Variants in KCTD8 observed in about 807,000 individuals in gnomAD.
KCTD8 encodes potassium channel tetramerization domain containing 8.
KCTD8 carries 27 observed loss-of-function variants against 31.5 expected under a neutral mutation model. The ratio of observed to expected loss-of-function variants is 0.86; its 90% CI spans 0.63 to 1.18. The LOEUF (loss-of-function observed/expected upper bound fraction) is 1.18, where lower values mean the gene tolerates loss of function less well. Ranked by LOEUF, KCTD8 falls within the 50% of genes most tolerant of loss-of-function variation. The pLI is 0.00. For missense variants in KCTD8, 658 were observed against 647.7 expected (o/e 1.02, Z -0.17); for synonymous variants, 290 against 280.0 (o/e 1.04, Z -0.36).
intron 1 of KCTD8, among the ~76,000 whole-genome samples, chr4:44,343,255 T>A (rs891419308): frequency 2.0e-5 from 3 of 152,186 alleles, no homozygotes; most frequent in Non-Finnish European, 2.9e-5. Context: ...GTAATTGGCC[T>A]GATTACAATA....
chr4:44,254,001 A>G (rs1212230358), intron 1 of KCTD8, among the ~76,000 whole-genome samples: 2 of 151,862 alleles, frequency 1.3e-5, no homozygotes, highest in Non-Finnish European at 2.9e-5. Flanking sequence ...GGACAGTAAA[A>G]AAGGCAACCT....
intron 1 of KCTD8, among the ~76,000 whole-genome samples, chr4:44,418,231 G>A (rs1560450127): frequency 6.6e-6 from 1 of 151,984 alleles, no homozygotes; most frequent in African/African-American, 2.4e-5. Flanking sequence ...TTATGAGAGG[G>A]TAACATGAGT....
intron 1 of KCTD8, among the ~76,000 whole-genome samples, chr4:44,265,456 A>G (rs541996824): frequency 6.6e-6 from 1 of 152,302 alleles, no homozygotes; most frequent in South Asian, 2.1e-4. Flanking sequence ...AACAGAGCAG[A>G]AAAACCGGAA....
chr4:44,275,265 C>G (rs990502895), intron 1 of KCTD8, among the ~76,000 whole-genome samples: 3 of 151,904 alleles, frequency 2.0e-5, no homozygotes, highest in African/African-American at 7.2e-5. Flanking sequence ...ATAAGCCTTT[C>G]CTGTGCTTGT....
intron 1 of KCTD8, among the ~76,000 whole-genome samples, chr4:44,376,167 G>A (rs1184415172): frequency 1.3e-5 from 2 of 152,084 alleles, no homozygotes; most frequent in Non-Finnish European, 2.9e-5. Context: ...GACCGTGCAT[G>A]TTCCTTTCCT....
At chr4:44,193,069 CCT>C (rs1486094109) in intron 1 of KCTD8, among the ~76,000 whole-genome samples, 1 of 151,962 alleles carries the variant, frequency 6.6e-6, no homozygotes, top group African/African-American at 2.4e-5. Context: ...TAGTTCTGTC[CCT>C]CTAGAGAACC....
Position 44,394,789 on chromosome 4 carries a change from T to C in KCTD8, c.961+52774A>G, listed in dbSNP as rs140886887. 1.6e-4 allele frequency among the ~76,000 whole-genome samples: 25 copies of C among 152,196 alleles called. No homozygotes were observed. In the East Asian group the frequency reaches 3.3e-3, roughly 20 times the overall value. ...AACTTTACTTGATTCAGTGAAGAAA[T>C]AGACACATTAATTGAGCATGAATTT... On this transcript the variant is annotated intron_variant, in intron 1 of 1. Coordinates refer to ENST00000360029, the MANE Select transcript of KCTD8 (RefSeq NM_198353.3).
chr4:44,216,093 T>C (rs1244857266), intron 1 of KCTD8, among the ~76,000 whole-genome samples: 2 of 152,198 alleles, frequency 1.3e-5, no homozygotes, highest in Non-Finnish European at 2.9e-5. Flanking sequence ...ATCTCCGCTA[T>C]TAAATTTTTC....
intron 1 of KCTD8, among the ~76,000 whole-genome samples, chr4:44,288,225 C>T (rs537423176): frequency 6.6e-6 from 1 of 152,214 alleles, no homozygotes; most frequent in African/African-American, 2.4e-5. Flanking sequence ...TGAGAAATGG[C>T]TGTAGAGTTC....
intron 1 of KCTD8, among the ~76,000 whole-genome samples, chr4:44,356,355 T>C (rs545657382): frequency 3.9e-5 from 6 of 152,288 alleles, no homozygotes; most frequent in Admixed American, 2.6e-4. Context: ...AAAATAAAAA[T>C]ATAAAGGAAA....
chr4:44,244,764 C>T (rs1260118692), intron 1 of KCTD8, among the ~76,000 whole-genome samples: 1 of 150,780 alleles, frequency 6.6e-6, no homozygotes, highest in South Asian at 2.1e-4. Flanking sequence ...AACAGGCATT[C>T]CTTGCTTGGT....
chr4:44,230,407 G>A lies in KCTD8; in HGVS notation c.962-55157C>T, dbSNP rs886085103. 3.9e-5 allele frequency among the ~76,000 whole-genome samples: 6 copies of A among 152,086 alleles called. No homozygotes were observed. The East Asian group carries it at 9.7e-4, about 24-fold the overall frequency. ...CACTTAAGGCAAATAACATTATACA[G>A]GCATAAAATGTTTAAAGTAATACTT... On this transcript the variant is annotated intron_variant, in intron 1 of 1. Transcript: ENST00000360029.
chr4:44,355,969 A>G (rs1719330876), intron 1 of KCTD8, among the ~76,000 whole-genome samples: 1 of 152,116 alleles, frequency 6.6e-6, no homozygotes, highest in South Asian at 2.1e-4. Context: ...ATTATCATCA[A>G]TAATCACTAG....
intron 1 of KCTD8, among the ~76,000 whole-genome samples, chr4:44,250,722 C>T (rs1715801630): frequency 6.6e-6 from 1 of 151,752 alleles, no homozygotes; most frequent in East Asian, 1.9e-4. Flanking sequence ...GTACCCTTGG[C>T]TCATAAAGTC....
intron 1 of KCTD8, among the ~76,000 whole-genome samples, chr4:44,206,575 T>C (rs1172250622): frequency 6.6e-6 from 1 of 152,212 alleles, no homozygotes; most frequent in African/African-American, 2.4e-5. Flanking sequence ...AAGTGGTCCC[T>C]GGTCAGACAG....
chr4:44,267,854 ATC>A (rs1176928380), intron 1 of KCTD8, among the ~76,000 whole-genome samples: 1 of 152,210 alleles, frequency 6.6e-6, no homozygotes, highest in African/African-American at 2.4e-5. Context: ...AAGAAGTTGA[ATC>A]TCTGAATAGA....
chr4:44,295,268 C>A (rs920124353), intron 1 of KCTD8, among the ~76,000 whole-genome samples: 3 of 152,032 alleles, frequency 2.0e-5, no homozygotes, highest in Non-Finnish European at 2.9e-5. Flanking sequence ...TGCACTCCAG[C>A]CCAGGTGACA....
At chr4:44,292,276 T>C (rs1717303474) in intron 1 of KCTD8, among the ~76,000 whole-genome samples, 1 of 152,184 alleles carries the variant, frequency 6.6e-6, no homozygotes, top group Admixed American at 6.6e-5. Context: ...ATATACACTA[T>C]GGAATACTAT....
In KCTD8 at chr4:44,396,323, C is replaced by T. The variant is rs566364661; in HGVS notation, c.961+51240G>A. ...AAGCTTCACTGGCTTGCTCATCACT[C>T]ACCTCCTGCTTTGCAGCCTGCTTTC... On this transcript the variant is annotated intron_variant, in intron 1 of 1. Transcript: ENST00000360029. Among the ~76,000 whole-genome samples, 17 of 152,228 alleles carry T rather than the reference C, an allele frequency of 1.1e-4. No individual in the cohort carries two copies. In the South Asian group the frequency reaches 3.1e-3, roughly 28 times the overall value.
Sources: allele counts gnomAD v4.1 joint callset (sites outside exome capture counted in the v4.1 genomes callset), GRCh38; gene constraint gnomAD v4.1.1; transcripts MANE v1.5; gene names NCBI Gene and HGNC (gene_info 2026-07-23, HGNC 2026-07-21).